TRIM16: variants seen among roughly 807,000 people sequenced by gnomAD.
TRIM16 encodes the protein tripartite motif containing 16.
A neutral mutation model predicts 50.4 loss-of-function variants in TRIM16; 33 were observed. The observed-to-expected ratio is 0.65, with a 90% CI of 0.50 to 0.88. The LOEUF (loss-of-function observed/expected upper bound fraction) is 0.88. Among genes scored for constraint, TRIM16 ranks in the 40% least tolerant of loss-of-function variants. TRIM16 has a pLI of 0.00. For missense variants in TRIM16, 581 were observed against 686.8 expected (o/e 0.85, Z 1.72); for synonymous variants, 229 against 270.7 (o/e 0.85, Z 1.51).
chr17:15,649,887 C>T (rs1313023711), intron 7 of TRIM16, among the ~76,000 whole-genome samples: 2 of 152,180 alleles, frequency 1.3e-5, no homozygotes, highest in African/African-American at 4.8e-5. Context: ...TGGCAATACT[C>T]AGTGAAGGCT....
intron 8 of TRIM16, among the ~76,000 whole-genome samples, chr17:15,638,514 G>A (rs1986960446): frequency 6.7e-6 from 1 of 149,220 alleles, no homozygotes; most frequent in Non-Finnish European, 1.5e-5. Flanking sequence ...AGCTTGCAGT[G>A]AGCTGAGATT....
chr17:15,665,475 C>G (rs572754381), intron 6 of TRIM16, among the ~76,000 whole-genome samples: 3 of 152,256 alleles, frequency 2.0e-5, no homozygotes, highest in East Asian at 1.9e-4. Flanking sequence ...TGCCACTGCA[C>G]TCCAGCCTAG....
At chr17:15,637,543 C>T (rs1478502644) in intron 8 of TRIM16, among the ~76,000 whole-genome samples, 35 of 117,474 alleles carry the variant, frequency 3.0e-4, no homozygotes, top group Middle Eastern at 0.01. Flanking sequence ...GCCCCCCGCC[C>T]GGCCAGCCGC....
chr17:15,649,672 G>A (rs1163416118), intron 7 of TRIM16, among the ~76,000 whole-genome samples: 1 of 151,978 alleles, frequency 6.6e-6, no homozygotes, highest in Non-Finnish European at 1.5e-5. Flanking sequence ...AGGTTTTGGT[G>A]CAAAAAAAGA....
In TRIM16 at chr17:15,643,140, A is replaced by G. The variant is rs549578993; in HGVS notation, c.520-324T>C. 2.7e-6 allele frequency: 3 copies of G among 1,117,562 alleles called. No homozygotes were observed. In the East Asian group the frequency reaches 1.9e-4, roughly 70 times the overall value. The allele number at this position is 1,117,562 out of a possible 1,614,324, so 69.2% of individuals were successfully genotyped here. A position where few individuals can be genotyped will look rare whatever the true frequency, so the allele number is the denominator to read the frequency against. On this transcript the variant is annotated intron_variant, in intron 7 of 11. Transcript: ENST00000649191. ...ACCAGAAATAAAATCCTAAACCCCCAACAATCTGAATGGATCCCTCCTCTC... is the reference window on the plus strand; with the variant it reads ...ACCAGAAATAAAATCCTAAACCCCCGACAATCTGAATGGATCCCTCCTCTC...
intron 6 of TRIM16, among the ~76,000 whole-genome samples, chr17:15,653,245 C>T (rs547692250): frequency 5.3e-5 from 8 of 152,340 alleles, no homozygotes; most frequent in African/African-American, 9.6e-5. Context: ...TGGATGGAAG[C>T]GGCCTGAGGC....
intron 6 of TRIM16, among the ~76,000 whole-genome samples, chr17:15,664,476 C>A (rs1331042151): frequency 4.0e-5 from 6 of 151,780 alleles, no homozygotes; most frequent in Non-Finnish European, 7.4e-5. Flanking sequence ...CCGAGGTGGG[C>A]GGATCACTTG....
intron 6 of TRIM16, among the ~76,000 whole-genome samples, chr17:15,661,454 A>G (rs559232281): frequency 6.6e-6 from 1 of 152,240 alleles, no homozygotes; most frequent in Non-Finnish European, 1.5e-5. Context: ...GGCAACATTC[A>G]TATTTCGCAG....
chr17:15,663,307 C>T (rs1236371322), intron 6 of TRIM16, among the ~76,000 whole-genome samples: 1 of 152,128 alleles, frequency 6.6e-6, no homozygotes, highest in Admixed American at 6.5e-5. Context: ...TATTCTGCAG[C>T]CATTAGATGC....
chr17:15,641,707 C>T (rs1344375225), intron 8 of TRIM16, among the ~76,000 whole-genome samples: 1 of 147,326 alleles, frequency 6.8e-6, no homozygotes, highest in Admixed American at 6.7e-5. Context: ...TTGTAAACAC[C>T]CAGGAGGTGA....
intron 6 of TRIM16, among the ~76,000 whole-genome samples, chr17:15,661,168 T>A (rs1331993294): frequency 1.3e-5 from 2 of 152,210 alleles, no homozygotes; most frequent in African/African-American, 4.8e-5. Context: ...ATCTGTTTCC[T>A]CCTCTAAAAT....
chr17:15,672,193 A>G (rs1279153487), intron 6 of TRIM16, among the ~76,000 whole-genome samples: 2 of 151,914 alleles, frequency 1.3e-5, no homozygotes. Context: ...ATTTTAACAT[A>G]TAAGTTAGAA....
intron 6 of TRIM16, among the ~76,000 whole-genome samples, chr17:15,669,519 A>T (rs1988636684): frequency 1.3e-5 from 2 of 152,210 alleles, no homozygotes; most frequent in South Asian, 4.1e-4. Context: ...TCAATTCTAA[A>T]GGGTAGGATT....
intron 6 of TRIM16, among the ~76,000 whole-genome samples, chr17:15,656,135 C>T (rs1987971115): frequency 1.3e-5 from 2 of 152,042 alleles, no homozygotes; most frequent in Non-Finnish European, 2.9e-5. Flanking sequence ...TTCTAAGTCC[C>T]CTCTAATGCC....
chr17:15,652,318 C>CT (rs371423949), intron 6 of TRIM16, among the ~76,000 whole-genome samples: 8,072 of 136,464 alleles, frequency 0.059, 696 homozygotes, highest in African/African-American at 0.19. Context: ...CGGCTAATTT[C>CT]TTTTTTTTTT....
intron 10 of TRIM16, among the ~76,000 whole-genome samples, chr17:15,632,289 A>G (rs1291377754): frequency 1.3e-5 from 2 of 152,060 alleles, no homozygotes; most frequent in African/African-American, 4.8e-5. Flanking sequence ...AGGAAGAAGA[A>G]TCTCTTGAAC....
chr17:15,651,436 C>T lies in TRIM16; in HGVS notation c.174G>A (p.Gln58=). The T allele has an allele frequency of 6.2e-7, 1 of 1,613,156 alleles. No homozygotes were observed. The highest frequency in any genetic ancestry group is 8.5e-7 in the Non-Finnish European group (1 of 1,179,312). Residue 58 remains glutamine (Q), a synonymous_variant, in exon 7 of 12, where the codon CAG becomes CAA. Coordinates refer to ENST00000649191, the MANE Select transcript of TRIM16 (RefSeq NM_001348119.1). Reference sequence around the variant, plus strand: ...CCCCCTGCTCTGCAGAGTCGCTGTCCTGTTCCTCCGTCTCCCTGCCAAGCT... The same window carrying T: ...CCCCCTGCTCTGCAGAGTCGCTGTCTTGTTCCTCCGTCTCCCTGCCAAGCT... The part of the protein sequence containing the change: ...SEKLGRETEE[Q]DSDSAEQGDP...
At position 15,651,464 on chromosome 17, in the gene TRIM16, T is replaced by C; in HGVS notation, c.146A>G (p.Glu49Gly). 1.2e-6 allele frequency: 2 copies of C among 1,611,870 alleles called. No homozygotes were observed. Among genetic ancestry groups the C allele is most frequent in the Non-Finnish European group, 1.7e-6 (2 of 1,178,532 alleles). ...TTCCTCCGTCTCCCTGCCAAGCTTC[T>C]CCGAGGAGCCCACGTCCTCTTCTTC... is the stretch of plus-strand genomic sequence containing the variant. ...PVEEEDVGSS[E>G]KLGRETEEQD... Residue 49 changes from glutamate (E) to glycine (G), a missense_variant, in exon 7 of 12, where the codon GAG becomes GGG. Physicochemically the swap from Glu to Gly is moderately conservative, Grantham distance 98. Around this residue, in one of 3 missense-constraint regions of TRIM16, gnomAD observed 450 missense variants for 544.3 expected, o/e 0.83. Transcript: ENST00000649191.
intron 6 of TRIM16, among the ~76,000 whole-genome samples, chr17:15,652,617 C>T (rs1419087511): frequency 1.3e-5 from 2 of 151,144 alleles, no homozygotes; most frequent in South Asian, 2.1e-4. Flanking sequence ...CCCACCACCA[C>T]GCCTGGCTCA....
Sources: allele counts gnomAD v4.1 joint callset (sites outside exome capture counted in the v4.1 genomes callset), GRCh38; gene constraint gnomAD v4.1.1; regional missense constraint gnomAD v4.1.1; transcripts MANE v1.5; gene names NCBI Gene and HGNC (gene_info 2026-07-23, HGNC 2026-07-21).